Variants in NCKAP5 observed in about 807,000 individuals in gnomAD.
NCKAP5 encodes NCK associated protein 5, also known as nck-associated protein 5.
Under a neutral mutation model 167.0 loss-of-function variants are expected in NCKAP5, and 92 were observed. The ratio of observed to expected loss-of-function variants is 0.55; its 90% CI spans 0.47 to 0.66. The LOEUF is 0.66. NCKAP5 is among the 30% of genes least tolerant of loss of function. The pLI, the probability that NCKAP5 is intolerant of heterozygous loss-of-function variation, is 0.00. For missense variants in NCKAP5, 2,378 were observed against 2,315.0 expected, an observed-to-expected ratio of 1.03 and a Z score of -0.56; for synonymous variants, 891 against 877.4, an observed-to-expected ratio of 1.02 and a Z score of -0.27.
Position 132,783,693 on chromosome 2 carries a change from A to T in NCKAP5, c.3118T>A (p.Ser1040Thr). 6.2e-7 allele frequency: 1 copy of T among 1,613,598 alleles called. No homozygotes were observed. Among genetic ancestry groups the T allele is most frequent in the Non-Finnish European group, 8.5e-7 (1 of 1,179,762 alleles). ...TVMALGPPKVSPKRGVPKTSP... is the reference protein window; with the variant it reads ...TVMALGPPKVTPKRGVPKTSP... ...GTTTTGGGGACACCTCTCTTCGGAG[A>T]GACCTTTGGAGGCCCCAGAGCCATT... The change falls in exon 14 of 20, where the codon TCT becomes ACT. Residue 1040 changes from serine to threonine, a missense_variant. Physicochemically the swap from Ser to Thr is moderately conservative, Grantham distance 58. This residue lies in a region of NCKAP5 where 1,325 missense variants were observed against 1,274.5 expected (regional missense o/e 1.04). Transcript: ENST00000409261.
chr2:133,544,791 A>G lies in NCKAP5; in HGVS notation c.-62+14259T>C, dbSNP rs147595248. On this transcript the variant is annotated intron_variant, in intron 2 of 19. Coordinates refer to ENST00000409261, the MANE Select transcript of NCKAP5 (RefSeq NM_207363.3). ...TAAATCACTGTCTCCTTCCTGTTCT[A>G]TCCCAATGATTACTTATACTTTCAG... Among the ~76,000 whole-genome samples the G allele has an allele frequency of 1.2e-4, 19 of 152,308 alleles. 1 individual carries two copies. Among genetic ancestry groups the G allele is most frequent in the Middle Eastern group, 3.4e-3 (1 of 294 alleles).
chr2:133,461,047 A>C (rs1049659215), intron 3 of NCKAP5, among the ~76,000 whole-genome samples: 1 of 152,176 alleles, frequency 6.6e-6, no homozygotes, highest in Non-Finnish European at 1.5e-5. Flanking sequence ...AGGAAATCTA[A>C]ATGATGTTCT....
chr2:133,010,015 G>A (rs2078099645), intron 6 of NCKAP5, among the ~76,000 whole-genome samples: 1 of 151,658 alleles, frequency 6.6e-6, no homozygotes, highest in Admixed American at 6.6e-5. Flanking sequence ...AGCTTGCAGT[G>A]AGCCGAGATG....
chr2:132,718,434 C>T (rs1380775232), intron 19 of NCKAP5, among the ~76,000 whole-genome samples: 1 of 152,136 alleles, frequency 6.6e-6, no homozygotes, highest in African/African-American at 2.4e-5. Flanking sequence ...CAGTAATTCC[C>T]AATTTGGGAC....
intron 6 of NCKAP5, among the ~76,000 whole-genome samples, chr2:133,053,770 G>A (rs927429193): frequency 6.6e-6 from 1 of 152,128 alleles, no homozygotes; most frequent in East Asian, 1.9e-4. Context: ...TAGTTACTAA[G>A]GAAACACTTC....
chr2:133,334,623 T>C (rs1683093148), intron 3 of NCKAP5, among the ~76,000 whole-genome samples: 2 of 152,178 alleles, frequency 1.3e-5, no homozygotes, highest in African/African-American at 4.8e-5. Flanking sequence ...CGTATATGCA[T>C]ATAAAAAGAA....
intron 13 of NCKAP5, among the ~76,000 whole-genome samples, chr2:132,787,925 C>G (rs1273543731): frequency 6.6e-6 from 1 of 152,186 alleles, no homozygotes; most frequent in Non-Finnish European, 1.5e-5. Context: ...CATGCTCAAC[C>G]TCTGTCTTGC....
intron 3 of NCKAP5, among the ~76,000 whole-genome samples, chr2:133,370,479 G>C (rs894875061): frequency 2.0e-5 from 3 of 152,084 alleles, no homozygotes; most frequent in Admixed American, 1.3e-4. Flanking sequence ...AAATATAAAG[G>C]GTAAGTAGAG....
intron 2 of NCKAP5, among the ~76,000 whole-genome samples, chr2:133,539,208 G>A (rs528031843): frequency 1.3e-5 from 2 of 152,142 alleles, no homozygotes; most frequent in South Asian, 4.2e-4. Context: ...CCAAAGTGCT[G>A]GAATTACAGG....
intron 6 of NCKAP5, among the ~76,000 whole-genome samples, chr2:133,017,471 A>C (rs1012016040): frequency 6.6e-5 from 10 of 152,310 alleles, no homozygotes; most frequent in African/African-American, 2.2e-4. Context: ...AATTATTCAA[A>C]ACTTCAAAAT....
chr2:133,250,328 A>C (rs1271024569), intron 4 of NCKAP5, among the ~76,000 whole-genome samples: 1 of 152,122 alleles, frequency 6.6e-6, no homozygotes, highest in Non-Finnish European at 1.5e-5. Flanking sequence ...TCACCACCGT[A>C]CATTTCCTAT....
At chr2:133,173,996 A>G (rs1359285301) in intron 5 of NCKAP5, among the ~76,000 whole-genome samples, 1 of 152,212 alleles carries the variant, frequency 6.6e-6, no homozygotes, top group Non-Finnish European at 1.5e-5. Flanking sequence ...CCCAGTGATT[A>G]AAAACACAAA....
At chr2:132,925,718 G>A (rs903672832) in intron 8 of NCKAP5, among the ~76,000 whole-genome samples, 2 of 152,108 alleles carry the variant, frequency 1.3e-5, no homozygotes, top group African/African-American at 2.4e-5. Flanking sequence ...ACAGGTCTGT[G>A]GCCTGGGGGT....
intron 4 of NCKAP5, among the ~76,000 whole-genome samples, chr2:133,292,289 T>C (rs1418854334): frequency 6.6e-6 from 1 of 151,906 alleles, no homozygotes; most frequent in African/African-American, 2.4e-5. Flanking sequence ...ACCCATTTCA[T>C]TTCTCCTTCT....
intron 11 of NCKAP5, among the ~76,000 whole-genome samples, chr2:132,821,610 G>A (rs1252724863): frequency 3.3e-5 from 5 of 152,160 alleles, no homozygotes; most frequent in Admixed American, 6.5e-5. Flanking sequence ...CGGACAGAGT[G>A]GACAGACAGG....
At chr2:133,141,211 G>A (rs187850638) in intron 5 of NCKAP5, among the ~76,000 whole-genome samples, 19 of 151,784 alleles carry the variant, frequency 1.3e-4, no homozygotes, top group Non-Finnish European at 2.4e-4. Context: ...AACAGCCCAG[G>A]GATTGCAATC....
chr2:133,185,444 G>A (rs899795887), intron 5 of NCKAP5, among the ~76,000 whole-genome samples: 16 of 151,738 alleles, frequency 1.1e-4, no homozygotes, highest in Non-Finnish European at 1.6e-4. Context: ...GACTATTTAC[G>A]CTCTTTTTTG....
intron 7 of NCKAP5, among the ~76,000 whole-genome samples, chr2:132,973,674 G>A (rs943975848): frequency 2.6e-5 from 4 of 151,392 alleles, no homozygotes; most frequent in Admixed American, 1.3e-4. Flanking sequence ...TAAAACTTTC[G>A]TGCTTCTTTT....
chr2:132,933,337 G>A (rs1195986827), intron 8 of NCKAP5, among the ~76,000 whole-genome samples: 1 of 152,178 alleles, frequency 6.6e-6, no homozygotes, highest in Non-Finnish European at 1.5e-5. Context: ...GACCATGAGT[G>A]AGGGTAGAGG....
Sources: gnomAD v4.1 joint callset for allele counts (sites outside exome capture counted in the v4.1 genomes callset) on GRCh38, gnomAD v4.1.1 for gene constraint, gnomAD v4.1.1 regional missense constraint, MANE v1.5 for transcripts, NCBI Gene and HGNC (gene_info 2026-07-23, HGNC 2026-07-21) for gene names.